The following DMD variants were observed in gnomAD, a reference collection of about 807,000 sequenced individuals.
DMD encodes dystrophin.
In DMD, 63 loss-of-function variants were observed where a neutral mutation model predicts 330.1. The observed-to-expected ratio is 0.19, with a 90% confidence interval of 0.16 to 0.24. DMD has a LOEUF of 0.24. Ranked by LOEUF, DMD falls within the 10% of genes least tolerant of loss-of-function variation. The probability of loss-of-function intolerance (pLI) is 1.00; values close to 1 mark genes in which losing one functional copy is unlikely to be tolerated. For synonymous variants in DMD, 1,223 were observed against 959.8 expected, an observed-to-expected ratio of 1.27 and a Z score of -5.07; for missense variants, 3,344 against 2,684.1, an observed-to-expected ratio of 1.25 and a Z score of -5.43.
chrX:31,452,453 C>T (rs2065832244), intron 59 of DMD, among the ~76,000 whole-genome samples: 1 of 109,002 alleles, frequency 9.2e-6, no homozygotes, highest in African/African-American at 3.4e-5. Flanking sequence ...CATGGTGGTG[C>T]ACACCTGTAA....
chrX:32,741,762 T>C (rs1382070649), intron 7 of DMD, among the ~76,000 whole-genome samples: 1 of 112,046 alleles, frequency 8.9e-6, no homozygotes, highest in Non-Finnish European at 1.9e-5. Context: ...CCTGTGAATA[T>C]ACTAAAAACA....
At position 32,686,055 on chromosome X, in the gene DMD, G is replaced by A. The variant is rs183869585; in HGVS notation, c.960+11815C>T. On this transcript the variant is annotated intron_variant, in intron 9 of 78. Transcript: ENST00000357033. Reference sequence around the variant, plus strand: ...TGCTAGTAGATTTGAGACCCACATGGATTTAACACATGTATGACATAATAG... The same window carrying A: ...TGCTAGTAGATTTGAGACCCACATGAATTTAACACATGTATGACATAATAG... 5.2e-3 allele frequency among the ~76,000 whole-genome samples: 585 copies of A among 111,471 alleles called. 11 individuals carry two copies. Among genetic ancestry groups the A allele is most frequent in the African/African-American group, 0.018 (555 of 30,707 alleles).
intron 29 of DMD, among the ~76,000 whole-genome samples, chrX:32,437,779 C>T (rs1339682624): frequency 1.8e-5 from 2 of 112,536 alleles, no homozygotes; most frequent in Admixed American, 1.9e-4. Context: ...TGAAAAATCA[C>T]ACCATGTGTG....
At chrX:32,616,579 G>A (rs894513660) in intron 11 of DMD, among the ~76,000 whole-genome samples, 2 of 109,226 alleles carry the variant, frequency 1.8e-5, no homozygotes, top group Non-Finnish European at 3.8e-5. Flanking sequence ...GAGCGAGACC[G>A]TGGAGTTTAG....
intron 15 of DMD, among the ~76,000 whole-genome samples, chrX:32,571,873 CTTCTT>C (rs201291579): frequency 0.048 from 5,296 of 110,915 alleles, 138 homozygotes; most frequent in African/African-American, 0.087. Context: ...TAATGTTTCT[CTTCTT>C]ATCTTAATGC....
At chrX:32,187,720 C>T (rs189562355) in intron 44 of DMD, among the ~76,000 whole-genome samples, 4 of 111,015 alleles carry the variant, frequency 3.6e-5, no homozygotes, top group East Asian at 5.6e-4. Context: ...CAGAAGACAA[C>T]GTACAACTTT....
intron 17 of DMD, among the ~76,000 whole-genome samples, chrX:32,534,299 C>A (rs2047747531): frequency 9.0e-6 from 1 of 111,482 alleles, no homozygotes; most frequent in Admixed American, 9.5e-5. Context: ...TTGTAAACTC[C>A]AGTGCTGGAA....
intron 76 of DMD, among the ~76,000 whole-genome samples, chrX:31,136,789 C>G (rs2035291512): frequency 8.9e-6 from 1 of 111,877 alleles, no homozygotes; most frequent in African/African-American, 3.3e-5. Flanking sequence ...TCCAGATAAA[C>G]TCTCTGTGAG....
intron 1 of DMD, among the ~76,000 whole-genome samples, chrX:33,244,163 C>A (rs2052631726): frequency 9.0e-6 from 1 of 111,104 alleles, no homozygotes; most frequent in Non-Finnish European, 1.9e-5. Context: ...CAGTGAGTAT[C>A]CTCGTCTTGT....
intron 51 of DMD, among the ~76,000 whole-genome samples, chrX:31,757,000 T>TA (rs879313019): frequency 1.8e-5 from 2 of 110,458 alleles, no homozygotes; most frequent in East Asian, 5.6e-4. Flanking sequence ...TTTTTTTTTT[T>TA]ACCTTATATC....
At chrX:31,690,649 C>A (rs912467620) in intron 52 of DMD, among the ~76,000 whole-genome samples, 3 of 112,091 alleles carry the variant, frequency 2.7e-5, no homozygotes, top group Non-Finnish European at 3.8e-5. Context: ...AATCCTGCTG[C>A]TGTAAAGATA....
intron 1 of DMD, among the ~76,000 whole-genome samples, chrX:33,197,035 A>G (rs1314077699): frequency 9.0e-6 from 1 of 111,337 alleles, no homozygotes; most frequent in Non-Finnish European, 1.9e-5. Flanking sequence ...CTCCATCATC[A>G]TGATATTTTA....
intron 44 of DMD, among the ~76,000 whole-genome samples, chrX:32,107,907 G>A (rs1248907274): frequency 1.8e-5 from 2 of 111,077 alleles, no homozygotes; most frequent in African/African-American, 3.3e-5. Flanking sequence ...TCATTAGAAT[G>A]TCCAGGGACT....
At chrX:31,907,939 A>G (rs1007153176) in intron 47 of DMD, among the ~76,000 whole-genome samples, 1 of 112,846 alleles carries the variant, frequency 8.9e-6, no homozygotes, top group African/African-American at 3.2e-5. Context: ...GAAGACATTT[A>G]TGCAGCTAAC....
chrX:31,729,240 G>A lies in DMD; in HGVS notation c.7660+391C>T, dbSNP rs945421036. Among the ~76,000 whole-genome samples, 5 of 111,128 alleles carry A rather than the reference G, an allele frequency of 4.5e-5. No homozygotes were observed. The East Asian group carries it at 1.4e-3, about 32-fold the overall frequency. ...TCACTGCACATGGGAATGAAAGATG[G>A]CCCAGGAAGAAGCCACTGCCTGCTT... On this transcript the variant is annotated intron_variant, in intron 52 of 78. Coordinates refer to ENST00000357033, the MANE Select transcript of DMD (RefSeq NM_004006.3).
At chrX:31,376,420 G>C (rs1008478642) in intron 60 of DMD, among the ~76,000 whole-genome samples, 1 of 111,727 alleles carries the variant, frequency 9.0e-6, no homozygotes, top group African/African-American at 3.3e-5. Context: ...TTTGTACAGA[G>C]AGCAGAGTCA....
At chrX:32,533,221 A>T (rs762312354) in intron 17 of DMD, among the ~76,000 whole-genome samples, 5 of 111,213 alleles carry the variant, frequency 4.5e-5, no homozygotes, top group Admixed American at 1.9e-4. Flanking sequence ...TCTCTCAAAA[A>T]TATGCAATGG....
At chrX:32,583,203 T>C (rs1461201181) in intron 13 of DMD, among the ~76,000 whole-genome samples, 5 of 112,046 alleles carry the variant, frequency 4.5e-5, no homozygotes, top group Non-Finnish European at 9.4e-5. Context: ...TTTACAATAT[T>C]ACCAGATACA....
intron 47 of DMD, among the ~76,000 whole-genome samples, chrX:31,905,300 A>G (rs2149833054): frequency 9.0e-6 from 1 of 111,508 alleles, no homozygotes; most frequent in South Asian, 3.7e-4. Flanking sequence ...TCACACAGAG[A>G]CGAATGCTAA....
Sources: allele counts gnomAD v4.1 joint callset (sites outside exome capture counted in the v4.1 genomes callset), GRCh38; gene constraint gnomAD v4.1.1; transcripts MANE v1.5; gene names NCBI Gene and HGNC (gene_info 2026-07-23, HGNC 2026-07-21).